Variants in BMP6 observed in about 807,000 individuals in gnomAD.
BMP6 encodes VG-1-R.
A neutral mutation model predicts 54.1 loss-of-function variants in BMP6; 17 were observed. The observed-to-expected ratio is 0.31, with a 90% confidence interval of 0.22 to 0.47. The LOEUF is 0.47. BMP6 is among the 20% of genes least tolerant of loss of function. The pLI is 1.00. For missense variants in BMP6, 720 were observed against 690.4 expected (o/e 1.04, Z -0.48); for synonymous variants, 328 against 291.2 (o/e 1.13, Z -1.28).
At chr6:7,781,771 G>C (rs1757952034) in intron 1 of BMP6, among the ~76,000 whole-genome samples, 2 of 151,550 alleles carry the variant, frequency 1.3e-5, no homozygotes, top group Non-Finnish European at 3.0e-5. Context: ...TGGGAGGTCT[G>C]GGAAGGTTTC....
chr6:7,835,801 AC>A (rs1408117829), intron 1 of BMP6, among the ~76,000 whole-genome samples: 1 of 151,974 alleles, frequency 6.6e-6, no homozygotes. Context: ...CCATAATGAG[AC>A]ATGTATAGTG....
chr6:7,784,473 C>T (rs984340314), intron 1 of BMP6, among the ~76,000 whole-genome samples: 6 of 152,002 alleles, frequency 3.9e-5, no homozygotes, highest in East Asian at 1.9e-4. Context: ...GTTCGGATCA[C>T]GTGATAGTAA....
intron 1 of BMP6, among the ~76,000 whole-genome samples, chr6:7,754,074 C>T (rs115323042): frequency 0.017 from 2,555 of 151,900 alleles, 23 homozygotes; most frequent in Middle Eastern, 0.034. Context: ...CAATAAATGG[C>T]GGTTAGGTCA....
chr6:7,823,926 A>AG (rs1358608206), intron 1 of BMP6, among the ~76,000 whole-genome samples: 1 of 152,226 alleles, frequency 6.6e-6, no homozygotes, highest in Non-Finnish European at 1.5e-5. Context: ...AGGACTTTTG[A>AG]GGGTTACCTA....
intron 1 of BMP6, among the ~76,000 whole-genome samples, chr6:7,784,469 A>G (rs990586877): frequency 6.6e-6 from 1 of 152,170 alleles, no homozygotes; most frequent in African/African-American, 2.4e-5. Flanking sequence ...GTGTGTTCGG[A>G]TCACGTGATA....
chr6:7,815,343 T>C (rs1374703191), intron 1 of BMP6, among the ~76,000 whole-genome samples: 1 of 152,212 alleles, frequency 6.6e-6, no homozygotes, highest in Non-Finnish European at 1.5e-5. Context: ...AACTTCTGAA[T>C]AAAAAATATC....
At chr6:7,804,168 G>A (rs1465499375) in intron 1 of BMP6, among the ~76,000 whole-genome samples, 5 of 152,148 alleles carry the variant, frequency 3.3e-5, no homozygotes, top group Non-Finnish European at 7.4e-5. Flanking sequence ...TGAGTGACCC[G>A]TTTAGTAGTA....
intron 1 of BMP6, among the ~76,000 whole-genome samples, chr6:7,810,688 C>T (rs1322177): frequency 0.77 from 116,411 of 152,156 alleles, 44,844 homozygotes; most frequent in East Asian, 0.99. Flanking sequence ...GAGTCATTCA[C>T]TATACTTAAT....
intron 1 of BMP6, among the ~76,000 whole-genome samples, chr6:7,805,362 GTATC>G (rs1758332806): frequency 6.6e-6 from 1 of 152,162 alleles, no homozygotes; most frequent in South Asian, 2.1e-4. Flanking sequence ...GAAGAGATCT[GTATC>G]TATTCAACAC....
chr6:7,880,369 C>G lies in BMP6; in HGVS notation c.*26C>G, dbSNP rs1759696569. 1 of 1,613,046 alleles carries G rather than the reference C, an allele frequency of 6.2e-7. No homozygotes were observed. The highest frequency in any genetic ancestry group is 1.1e-5 in the South Asian group (1 of 91,052). The stretch of plus-strand genomic sequence containing the variant: ...CTCGAAACCAGATGCTGGGGACACA[C>G]ATTCTGCCTTGGATTCCTAGATTAC... On this transcript the variant is annotated 3_prime_UTR_variant, in exon 7 of 7. Coordinates refer to ENST00000283147, the MANE Select transcript of BMP6 (RefSeq NM_001718.6).
At chr6:7,805,364 A>G (rs1758332845) in intron 1 of BMP6, among the ~76,000 whole-genome samples, 1 of 152,238 alleles carries the variant, frequency 6.6e-6, no homozygotes, top group African/African-American at 2.4e-5. Context: ...AGAGATCTGT[A>G]TCTATTCAAC....
intron 1 of BMP6, among the ~76,000 whole-genome samples, chr6:7,787,503 A>G (rs79098913): frequency 0.064 from 9,814 of 152,258 alleles, 346 homozygotes; most frequent in Middle Eastern, 0.085. Context: ...GAATTGTTGC[A>G]GGCTGCAAAA....
At chr6:7,791,808 TCC>T (rs1254526789) in intron 1 of BMP6, among the ~76,000 whole-genome samples, 1 of 152,196 alleles carries the variant, frequency 6.6e-6, no homozygotes, top group African/African-American at 2.4e-5. Flanking sequence ...TGTTGTCTTA[TCC>T]CCAGTTTCAA....
intron 4 of BMP6, among the ~76,000 whole-genome samples, chr6:7,871,132 G>C (rs982210496): frequency 9.2e-5 from 14 of 152,154 alleles, no homozygotes. Flanking sequence ...TTTTATCATG[G>C]TTTTTGCTTC....
intron 1 of BMP6, among the ~76,000 whole-genome samples, chr6:7,753,078 T>C (rs1757451111): frequency 6.6e-6 from 1 of 152,094 alleles, no homozygotes; most frequent in Non-Finnish European, 1.5e-5. Context: ...AAAAAAATAC[T>C]GGTTGGAGTC....
intron 1 of BMP6, among the ~76,000 whole-genome samples, chr6:7,799,296 C>T (rs766318753): frequency 6.6e-6 from 1 of 152,170 alleles, no homozygotes; most frequent in Admixed American, 6.5e-5. Flanking sequence ...TTGTGATGGT[C>T]GCCACATCTC....
In BMP6 at chr6:7,862,516, CT is replaced by C. The variant is rs1759351973; in HGVS notation, c.1204+19del. The C allele has an allele frequency of 1.2e-6, 2 of 1,612,830 alleles. No homozygotes were observed. Among genetic ancestry groups the C allele is most frequent in the Non-Finnish European group, 1.7e-6 (2 of 1,179,558 alleles). ...TGCTTCAGGTGGGTTTGTGGGGAGC[CT>C]GTGTTTCCAGAAAGCCTTGTTGGCC... On this transcript the variant is annotated intron_variant, in intron 4 of 6. Transcript: ENST00000283147.
At chr6:7,872,764 T>A (rs995092271) in intron 4 of BMP6, among the ~76,000 whole-genome samples, 1 of 152,096 alleles carries the variant, frequency 6.6e-6, no homozygotes, top group African/African-American at 2.4e-5. Context: ...TGCCAGCAAT[T>A]CTTCAACACC....
At chr6:7,756,445 T>G (rs77646341) in intron 1 of BMP6, among the ~76,000 whole-genome samples, 2,329 of 152,334 alleles carry the variant, frequency 0.015, 53 homozygotes, top group African/African-American at 0.04. Flanking sequence ...TAAGGTCCTT[T>G]CCTTAGTCAT....
Sources: gnomAD v4.1 joint callset for allele counts (sites outside exome capture counted in the v4.1 genomes callset) on GRCh38, gnomAD v4.1.1 for gene constraint, MANE v1.5 for transcripts, NCBI Gene and HGNC (gene_info 2026-07-23, HGNC 2026-07-21) for gene names.